KMT2A: variants seen among roughly 807,000 people sequenced by gnomAD.
KMT2A encodes the protein lysine methyltransferase 2A, also known as histone-lysine N-methyltransferase 2A.
In KMT2A, 16 loss-of-function variants were observed where a neutral mutation model predicts 345.3. The observed-to-expected ratio is 0.05, with a 90% CI of 0.03 to 0.07. KMT2A has a LOEUF of 0.07. Ranked by LOEUF, KMT2A falls within the 10% of genes least tolerant of loss-of-function variation. The probability of loss-of-function intolerance (pLI) is 1.00; values close to 1 mark genes in which losing one functional copy is unlikely to be tolerated. For missense variants in KMT2A, 3,272 were observed against 4,841.6 expected (o/e 0.68, Z 9.62); for synonymous variants, 1,599 against 1,778.6 (o/e 0.90, Z 2.54).
chr11:118,513,946 A>AG (rs1257687218), intron 31 of KMT2A, among the ~76,000 whole-genome samples: 57 of 151,284 alleles, frequency 3.8e-4, no homozygotes, highest in Non-Finnish European at 6.5e-4. Flanking sequence ...TCAAAAAAAA[A>AG]AAAAAAAAAA....
rs140439290 is a variant in KMT2A, at chr11:118,493,083, C to T, written c.5031C>T (p.Pro1677=). 4.4e-5 allele frequency: 71 copies of T among 1,613,740 alleles called. No homozygotes were observed. Among genetic ancestry groups the T allele is most frequent in the Admixed American group, 4.0e-4 (24 of 60,008 alleles). The change falls in exon 16 of 36, where the codon CCC becomes CCT. Residue 1677 remains proline (P), a synonymous_variant. Transcript: ENST00000534358. The surrounding 1 kb of genome is among the most constrained non-coding windows in gnomAD (Gnocchi z 5.8). ...RQAAKPPDLN[P]ETEESIPSRS... ...CTGCCAAGCCTCCAGACTTAAATCC[C>T]GAGACAGAGGAGAGTATACCTTCCC...
At chr11:118,488,514 G>C (rs1950269789) in intron 10 of KMT2A, 100 bp from the exon 11 acceptor site, 1 of 1,142,452 alleles carries the variant, frequency 8.8e-7, no homozygotes, top group Non-Finnish European at 1.3e-6. Flanking sequence ...ATATATGCCA[G>C]TGGACTACTA....
rs921277600 is a variant in KMT2A at position 118,494,235 on chromosome 11, G to A, written c.5179-53G>A. 6.4e-6 allele frequency: 6 copies of A among 936,622 alleles called. No individual in the cohort carries two copies. In the African/African-American group the frequency reaches 6.6e-5, roughly 10 times the overall value. 58.0% of individuals were successfully genotyped at this position (936,622 alleles called of 1,614,324 possible). A position where few individuals can be genotyped will look rare whatever the true frequency, so the allele number is the denominator to read the frequency against. On this transcript the variant is annotated intron_variant, in intron 16 of 35. Coordinates refer to ENST00000534358, the MANE Select transcript of KMT2A (RefSeq NM_001197104.2). This position sits in a 1 kb window ranked among gnomAD's most constrained non-coding sequence, Gnocchi z 5.8. ...ATGATTAAGGAGGGAAGAGGAAATG[G>A]TTTTCAGAGCACACTGTTTTAAGAA...
At chr11:118,465,243 G>GA (rs1555033856) in intron 1 of KMT2A, among the ~76,000 whole-genome samples, 4 of 151,328 alleles carry the variant, frequency 2.6e-5, no homozygotes, top group African/African-American at 9.7e-5. Flanking sequence ...ATCTTAAAAA[G>GA]AAAAAAAAGA....
chr11:118,517,722 G>T (rs1851936299), intron 31 of KMT2A, among the ~76,000 whole-genome samples: 1 of 152,064 alleles, frequency 6.6e-6, no homozygotes, highest in Non-Finnish European at 1.5e-5. Context: ...TATGCCTGTA[G>T]TCCCAGCTAC....
At chr11:118,465,327 C>T (rs527657640) in intron 1 of KMT2A, among the ~76,000 whole-genome samples, 1 of 152,272 alleles carries the variant, frequency 6.6e-6, no homozygotes, top group African/African-American at 2.4e-5. Flanking sequence ...TCAGTTCCCA[C>T]GACCCCCAGT....
At chr11:118,442,715 G>A (rs575537229) in intron 1 of KMT2A, among the ~76,000 whole-genome samples, 3 of 152,248 alleles carry the variant, frequency 2.0e-5, no homozygotes, top group African/African-American at 7.2e-5. Flanking sequence ...ACCCTTGTAG[G>A]CTCCACTATT....
intron 6 of KMT2A, among the ~76,000 whole-genome samples, chr11:118,480,476 T>G (rs1263864140): frequency 1.3e-5 from 2 of 152,164 alleles, no homozygotes; most frequent in Non-Finnish European, 2.9e-5. Flanking sequence ...CATAGTTCAT[T>G]ATATTTCCTA....
chr11:118,437,337 T>C (rs1949210454), intron 1 of KMT2A, among the ~76,000 whole-genome samples: 1 of 151,694 alleles, frequency 6.6e-6, no homozygotes, highest in South Asian at 2.1e-4. Context: ...CGCCTCCCTC[T>C]CTGGGCAGAT....
chr11:118,446,264 G>T (rs1949419613), intron 1 of KMT2A, among the ~76,000 whole-genome samples: 2 of 152,080 alleles, frequency 1.3e-5, no homozygotes, highest in Admixed American at 1.3e-4. Context: ...CATGAGAATC[G>T]CTTGAACCCG....
At chr11:118,457,351 TC>T (rs1949664326) in intron 1 of KMT2A, among the ~76,000 whole-genome samples, 1 of 135,826 alleles carries the variant, frequency 7.4e-6, no homozygotes. Flanking sequence ...CACTGCAACC[TC>T]TGCCTTCTGG....
chr11:118,475,070 T>C (rs1591377650), intron 3 of KMT2A, among the ~76,000 whole-genome samples: 1 of 152,160 alleles, frequency 6.6e-6, no homozygotes, highest in South Asian at 2.1e-4. Context: ...GAGGTAGAGA[T>C]GGCAGTGAGC....
chr11:118,469,604 C>T (rs1314219180), intron 2 of KMT2A, among the ~76,000 whole-genome samples: 1 of 152,172 alleles, frequency 6.6e-6, no homozygotes, highest in Non-Finnish European at 1.5e-5. Context: ...TTGCCTAATT[C>T]AGTTCTGTAT....
intron 10 of KMT2A, among the ~76,000 whole-genome samples, chr11:118,486,291 A>G (rs1357602013): frequency 6.6e-6 from 1 of 152,102 alleles, no homozygotes; most frequent in Non-Finnish European, 1.5e-5. Context: ...TTTAAAGTAT[A>G]TATCTAGAAA....
At chr11:118,448,378 GTTAGTTAGTA>G (rs1949464802) in intron 1 of KMT2A, 1 of 152,136 alleles carries the variant, frequency 6.6e-6, no homozygotes, top group Non-Finnish European at 1.5e-5. Flanking sequence ...TTTGCTTCAT[GTTAGTTAGTA>G]TTATAAAAGC....
chr11:118,446,518 T>G (rs1949425483), intron 1 of KMT2A, among the ~76,000 whole-genome samples: 1 of 152,204 alleles, frequency 6.6e-6, no homozygotes, highest in Non-Finnish European at 1.5e-5. Context: ...CTACATCTGT[T>G]TGAAAGTTGA....
At chr11:118,438,504 G>T (rs373199348) in intron 1 of KMT2A, among the ~76,000 whole-genome samples, 8 of 148,434 alleles carry the variant, frequency 5.4e-5, no homozygotes, top group South Asian at 2.2e-4. Context: ...TGAAGCGAAG[G>T]GGGGTAGGGG....
At position 118,523,253 on chromosome 11, in the gene KMT2A, C is replaced by G. The variant is rs1017238880; in HGVS notation, c.*1081C>G. The stretch of plus-strand genomic sequence containing the variant: ...CTAAGACATGGTTACTTTATTTTCC[C>G]CTTGTTAAGACATAGGAAGACTTAA... On this transcript the variant is annotated 3_prime_UTR_variant, in exon 36 of 36. Transcript: ENST00000534358. 2 of 228,780 alleles carry G rather than the reference C, an allele frequency of 8.7e-6. No individual in the cohort carries two copies. Among genetic ancestry groups the G allele is most frequent in the African/African-American group, 4.4e-5 (2 of 45,070 alleles). 14.2% of individuals were successfully genotyped at this position (228,780 alleles called of 1,614,324 possible).
At position 118,472,007 on chromosome 11, in the gene KMT2A, CTAAGTT is replaced by C. The variant is rs1555035677; in HGVS notation, c.853_858del (p.Phe285_Lys286del). 7 of 1,613,856 alleles carry C rather than the reference CTAAGTT, an allele frequency of 4.3e-6. No homozygotes were observed. Among genetic ancestry groups the C allele is most frequent in the Non-Finnish European group, 5.9e-6 (7 of 1,179,972 alleles). The stretch of plus-strand genomic sequence containing the variant: ...GCAGGTAAACTCTCTCCTCTCAAGT[CTAAGTT>C]TAAGACAGGGAAGCTTCAAATAGGA... On this transcript the variant is annotated inframe_deletion, in exon 3 of 36. Transcript: ENST00000534358.
Sources: gnomAD v4.1 joint callset for allele counts (sites outside exome capture counted in the v4.1 genomes callset) on GRCh38, gnomAD v4.1.1 for gene constraint, Gnocchi (gnomAD v3.1) non-coding constraint, MANE v1.5 for transcripts, NCBI Gene and HGNC (gene_info 2026-07-23, HGNC 2026-07-21) for gene names.